Variants in GREM2 observed in about 807,000 individuals in gnomAD.
GREM2 encodes gremlin 2, DAN family BMP antagonist.
GREM2 carries 11 observed loss-of-function variants against 14.2 expected under a neutral mutation model. That is an observed-to-expected ratio of 0.78 (90% CI 0.49 to 1.28). GREM2 has a LOEUF of 1.28. GREM2 is among the 50% of genes most tolerant of loss of function. The pLI is 0.00. For missense variants in GREM2, 210 were observed against 218.5 expected (o/e 0.96, Z 0.24); for synonymous variants, 98 against 97.6 (o/e 1.00, Z -0.02).
At chr1:240,499,851 G>T (rs1478422716) in intron 1 of GREM2, among the ~76,000 whole-genome samples, 2 of 152,324 alleles carry the variant, frequency 1.3e-5, no homozygotes, top group East Asian at 3.9e-4. Flanking sequence ...GGTGCTATAA[G>T]GGCAGAGTGA....
intron 1 of GREM2, among the ~76,000 whole-genome samples, chr1:240,539,817 C>T (rs1678547469): frequency 2.6e-5 from 4 of 152,072 alleles, no homozygotes; most frequent in Admixed American, 2.6e-4. Flanking sequence ...TACTGGAAAC[C>T]AATTCTGCCT....
chr1:240,611,269 A>C (rs540361039), intron 1 of GREM2, among the ~76,000 whole-genome samples: 9 of 152,340 alleles, frequency 5.9e-5, no homozygotes, highest in African/African-American at 2.2e-4. Context: ...CTCGTAAGAC[A>C]ATGTAGAAAT....
At chr1:240,493,596 G>C in intron 1 of GREM2, 120 bp from the exon 2 acceptor site, 1 of 1,210,010 alleles carries the variant, frequency 8.3e-7, no homozygotes, top group Non-Finnish European at 1.1e-6. Context: ...TGGAGTGCAG[G>C]GGCACGTAGC....
At chr1:240,580,057 T>C (rs1679455734) in intron 1 of GREM2, among the ~76,000 whole-genome samples, 1 of 152,082 alleles carries the variant, frequency 6.6e-6, no homozygotes, top group African/African-American at 2.4e-5. Context: ...AGACTCCGCT[T>C]CTGGATGCTG....
intron 1 of GREM2, among the ~76,000 whole-genome samples, chr1:240,503,216 G>A (rs1334387630): frequency 6.6e-6 from 1 of 152,152 alleles, no homozygotes; most frequent in African/African-American, 2.4e-5. Flanking sequence ...AAATTCTTTA[G>A]TATTTAAATC....
chr1:240,546,046 T>G (rs1484525064), intron 1 of GREM2, among the ~76,000 whole-genome samples: 1 of 152,174 alleles, frequency 6.6e-6, no homozygotes, highest in Non-Finnish European at 1.5e-5. Context: ...AAGCAGAATT[T>G]GTTGCTGGCC....
intron 1 of GREM2, among the ~76,000 whole-genome samples, chr1:240,605,646 C>A (rs78978014): frequency 3.3e-5 from 5 of 152,116 alleles, no homozygotes; most frequent in African/African-American, 9.6e-5. Context: ...AAAATCACAG[C>A]GTTTCCAGAA....
intron 1 of GREM2, among the ~76,000 whole-genome samples, chr1:240,499,981 C>T (rs1435876712): frequency 1.3e-5 from 2 of 152,306 alleles, no homozygotes; most frequent in South Asian, 2.1e-4. Flanking sequence ...TTTGCCTTCT[C>T]TTTAGTGTTG....
intron 1 of GREM2, among the ~76,000 whole-genome samples, chr1:240,496,063 A>G (rs1394391677): frequency 6.6e-6 from 1 of 151,922 alleles, no homozygotes; most frequent in Non-Finnish European, 1.5e-5. Flanking sequence ...CAGCCTCCCA[A>G]GTAGCTGAGA....
rs148434768 is a variant in GREM2, at chr1:240,502,325, A to T, written c.-1-8849T>A. Among the ~76,000 whole-genome samples the T allele has an allele frequency of 3.6e-3, 545 of 152,226 alleles. 3 individuals are homozygous for T. The highest frequency in any genetic ancestry group is 0.012 in the African/African-American group (512 of 41,548). On this transcript the variant is annotated intron_variant, in intron 1 of 1. Coordinates refer to ENST00000318160, the MANE Select transcript of GREM2 (RefSeq NM_022469.4). ...ACAGAGCACATAGCAAAGCCTGATGAAACTATCACTGTAACCCCTTTTTCC... is the reference window on the plus strand; with the variant it reads ...ACAGAGCACATAGCAAAGCCTGATGTAACTATCACTGTAACCCCTTTTTCC...
chr1:240,508,348 G>A (rs760898880), intron 1 of GREM2, among the ~76,000 whole-genome samples: 3 of 152,312 alleles, frequency 2.0e-5, no homozygotes, highest in African/African-American at 4.8e-5. Context: ...GAAGGGGAAC[G>A]TCTGGGAGGT....
intron 1 of GREM2, chr1:240,530,524 T>C (rs1678330406): frequency 6.6e-6 from 1 of 152,202 alleles, no homozygotes; most frequent in Admixed American, 6.6e-5. Flanking sequence ...ATCAAAAGGA[T>C]CACATGTGGC....
At chr1:240,604,149 C>T (rs1234742622) in intron 1 of GREM2, among the ~76,000 whole-genome samples, 1 of 151,896 alleles carries the variant, frequency 6.6e-6, no homozygotes, top group Admixed American at 6.6e-5. Context: ...AGAACCCACT[C>T]ATTACCGTGG....
At position 240,493,227 on chromosome 1, in the gene GREM2, G is replaced by A; in HGVS notation, c.249C>T (p.Ser83=). ...TGGTGCGGCTCCGGCAGCCCTCCTC[G>A]CTCACCGTCTGCCGCAGCGGCTGCG... ...CKTQPLRQTV[S]EEGCRSRTIL... Residue 83 remains serine, a synonymous_variant, in exon 2 of 2, where the codon AGC becomes AGT. Coordinates refer to ENST00000318160, the MANE Select transcript of GREM2 (RefSeq NM_022469.4). 1.2e-6 allele frequency: 2 copies of A among 1,613,998 alleles called. No individual in the cohort carries two copies. The highest frequency in any genetic ancestry group is 1.7e-6 in the Non-Finnish European group (2 of 1,180,032).
intron 1 of GREM2, among the ~76,000 whole-genome samples, chr1:240,586,659 T>C (rs1443480278): frequency 1.3e-5 from 2 of 152,164 alleles, no homozygotes; most frequent in Non-Finnish European, 2.9e-5. Flanking sequence ...CATGTACCCA[T>C]GATGTTTGTA....
chr1:240,600,218 A>C (rs1199015093), intron 1 of GREM2, among the ~76,000 whole-genome samples: 1 of 87,232 alleles, frequency 1.1e-5, no homozygotes, highest in Non-Finnish European at 2.3e-5. Context: ...CCTTATGTGT[A>C]AAACGAGATT....
intron 1 of GREM2, among the ~76,000 whole-genome samples, chr1:240,510,233 G>A (rs372536667): frequency 2.4e-4 from 36 of 151,938 alleles, no homozygotes; most frequent in African/African-American, 4.6e-4. Flanking sequence ...AGCCGGGCGT[G>A]GTGGCGGGCG....
Position 240,543,406 on chromosome 1 carries a change from G to A in GREM2, c.-1-49930C>T, listed in dbSNP as rs1393835348. On this transcript the variant is annotated intron_variant, in intron 1 of 1. Transcript: ENST00000318160. This position sits in a 1 kb window ranked among gnomAD's most constrained non-coding sequence, Gnocchi z 6.4. ...TGAGGAGCAAAATCACGTCTTACAT[G>A]GTGGTAAGCAGGAGAGTTTGTTCAG... Among the ~76,000 whole-genome samples, 1 of 152,158 alleles carries A rather than the reference G, an allele frequency of 6.6e-6. No homozygotes were observed. The highest frequency in any genetic ancestry group is 1.5e-5 in the Non-Finnish European group (1 of 68,042).
Position 240,490,049 on chromosome 1 carries a change from A to C in GREM2, c.*2920T>G, listed in dbSNP as rs1463610662. On this transcript the variant is annotated 3_prime_UTR_variant, in exon 2 of 2. Transcript: ENST00000318160. ...TAGAAAAATGGAGATGCTATAAACT[A>C]AGAAATATTTAAATTAAGAAATGTT... is the stretch of plus-strand genomic sequence containing the variant. The C allele has an allele frequency of 6.6e-6, 1 of 152,228 alleles. No individual in the cohort carries two copies. The highest frequency in any genetic ancestry group is 1.5e-5 in the Non-Finnish European group (1 of 68,044). The allele number at this position is 152,228 out of a possible 1,614,324, so 9.4% of individuals were successfully genotyped here.
Sources: gnomAD v4.1 joint callset for allele counts (sites outside exome capture counted in the v4.1 genomes callset) on GRCh38, gnomAD v4.1.1 for gene constraint, Gnocchi (gnomAD v3.1) non-coding constraint, MANE v1.5 for transcripts, NCBI Gene and HGNC (gene_info 2026-07-23, HGNC 2026-07-21) for gene names.